The following LAPTM5 variants were observed in gnomAD, a reference collection of about 807,000 sequenced individuals.
LAPTM5 encodes lysosomal protein transmembrane 5.
LAPTM5 carries 11 observed loss-of-function variants against 30.1 expected under a neutral mutation model. That is an observed-to-expected ratio of 0.37 (90% CI 0.23 to 0.60). The LOEUF (loss-of-function observed/expected upper bound fraction) is 0.60. LAPTM5 is among the 20% of genes least tolerant of loss of function. LAPTM5 has a pLI of 0.71. For synonymous variants in LAPTM5, 151 were observed against 137.9 expected (o/e 1.10, Z -0.67); for missense variants, 324 against 332.5 (o/e 0.97, Z 0.20).
At chr1:30,747,333 C>T (rs1445222858) in intron 1 of LAPTM5, among the ~76,000 whole-genome samples, 1 of 152,076 alleles carries the variant, frequency 6.6e-6, no homozygotes, top group East Asian at 1.9e-4. Context: ...AGGATGTTAC[C>T]AGCGGGGAAA....
chr1:30,736,882 A>G (rs1314478603), intron 6 of LAPTM5, among the ~76,000 whole-genome samples: 2 of 152,192 alleles, frequency 1.3e-5, no homozygotes, highest in African/African-American at 2.4e-5. Context: ...GGATCCCACA[A>G]AATTCCCCAC....
chr1:30,733,549 A>C lies in LAPTM5; in HGVS notation c.*279T>G. 2.0e-6 allele frequency: 3 copies of C among 1,483,180 alleles called. No homozygotes were observed. Among genetic ancestry groups the C allele is most frequent in the Non-Finnish European group, 2.7e-6 (3 of 1,113,378 alleles). The allele number at this position is 1,483,180 out of a possible 1,614,324, so 91.9% of individuals were successfully genotyped here. A position where few individuals can be genotyped will look rare whatever the true frequency, so the allele number is the denominator to read the frequency against. ...AAACTCACCAACTTTAGAATGGCCA[A>C]TCGTCTAAACAAGTGTCAGAGCTGA... On this transcript the variant is annotated 3_prime_UTR_variant, in exon 8 of 8. Transcript: ENST00000294507.
rs561938251 is a variant in LAPTM5, at chr1:30,739,692, G to A, written c.387+117C>T. ...AGAGACTGGGTCAAGACACCAGCCA[G>A]GAAGAGGGCTCCTACCCTCCCCAGC... On this transcript the variant is annotated intron_variant, in intron 4 of 7. Transcript: ENST00000294507. The surrounding 1 kb of genome is among the most constrained non-coding windows in gnomAD (Gnocchi z 4.2). 106 of 1,245,968 alleles carry A rather than the reference G, an allele frequency of 8.5e-5. No individual in the cohort carries two copies. The highest frequency in any genetic ancestry group is 3.6e-5 in the Non-Finnish European group (34 of 931,932). 77.2% of individuals were successfully genotyped at this position (1,245,968 alleles called of 1,614,324 possible).
intron 1 of LAPTM5, among the ~76,000 whole-genome samples, chr1:30,747,863 T>C (rs1569867498): frequency 6.6e-6 from 1 of 151,996 alleles, no homozygotes; most frequent in Admixed American, 6.5e-5. Flanking sequence ...TGTTGGGATG[T>C]TGTTGGAGTT....
At chr1:30,733,939 G>T (rs780886092) in intron 7 of LAPTM5, 22 bp from the exon 8 acceptor site, 1 of 1,606,176 alleles carries the variant, frequency 6.2e-7, no homozygotes, top group African/African-American at 1.3e-5. Context: ...AGAGAGATGA[G>T]GGCTGAGTAT....
At position 30,732,575 on chromosome 1, in the gene LAPTM5, C is replaced by A. The variant is rs940479823; in HGVS notation, c.*1253G>T. 6 of 151,818 alleles carry A rather than the reference C, an allele frequency of 4.0e-5. No homozygotes were observed. Among genetic ancestry groups the A allele is most frequent in the East Asian group, 1.9e-4 (1 of 5,144 alleles). 9.4% of individuals were successfully genotyped at this position (151,818 alleles called of 1,614,324 possible). On this transcript the variant is annotated 3_prime_UTR_variant, in exon 8 of 8. Coordinates refer to ENST00000294507, the MANE Select transcript of LAPTM5 (RefSeq NM_006762.3). The stretch of plus-strand genomic sequence containing the variant: ...TGCAGAGCCTTCTCCCTCTGTACCC[C>A]CCGACAGTCCCCAGAGACCCTGCCT...
At chr1:30,743,478 A>C (rs1032410371) in intron 1 of LAPTM5, among the ~76,000 whole-genome samples, 6 of 152,176 alleles carry the variant, frequency 3.9e-5, no homozygotes, top group Non-Finnish European at 7.4e-5. Context: ...CACCTTATCC[A>C]TGCCTCCCAT....
chr1:30,734,869 GT>G (rs1360231180), intron 7 of LAPTM5, among the ~76,000 whole-genome samples: 2 of 152,232 alleles, frequency 1.3e-5, no homozygotes, highest in African/African-American at 4.8e-5. Context: ...TTCACACCAA[GT>G]TGTAATTGTA....
rs1639841717 is a variant in LAPTM5 at position 30,733,455 on chromosome 1, T to C, written c.*373A>G. 2 of 1,222,114 alleles carry C rather than the reference T, an allele frequency of 1.6e-6. No individual in the cohort carries two copies. The highest frequency in any genetic ancestry group is 2.1e-6 in the Non-Finnish European group (2 of 939,712). 75.7% of individuals were successfully genotyped at this position (1,222,114 alleles called of 1,614,324 possible). A position where few individuals can be genotyped will look rare whatever the true frequency, so the allele number is the denominator to read the frequency against. ...CTGTTGTTTGACCAAATTATTTTACTGAACTGACAAGTGGGTTTTTGATTT... is the reference window on the plus strand; with the variant it reads ...CTGTTGTTTGACCAAATTATTTTACCGAACTGACAAGTGGGTTTTTGATTT... On this transcript the variant is annotated 3_prime_UTR_variant, in exon 8 of 8. Transcript: ENST00000294507.
intron 6 of LAPTM5, 41 bp downstream of exon 6, chr1:30,737,563 T>C (rs1338609094): frequency 1.3e-6 from 2 of 1,491,154 alleles, no homozygotes; most frequent in Non-Finnish European, 9.3e-7. Context: ...CAGCACAGCC[T>C]CACCACCCCT....
chr1:30,754,019 G>T (rs929233428), intron 1 of LAPTM5, among the ~76,000 whole-genome samples: 1 of 152,164 alleles, frequency 6.6e-6, no homozygotes, highest in South Asian at 2.1e-4. Context: ...CAGTTTTGAC[G>T]TATCCTGTTT....
intron 1 of LAPTM5, among the ~76,000 whole-genome samples, chr1:30,745,590 G>A (rs1318794100): frequency 2.0e-5 from 3 of 152,206 alleles, no homozygotes. Context: ...CCCATTGCCG[G>A]ATGGCTCACG....
chr1:30,743,810 T>TTTTC, intron 1 of LAPTM5, among the ~76,000 whole-genome samples: 1 of 149,020 alleles, frequency 6.7e-6, no homozygotes, highest in Non-Finnish European at 1.5e-5. Context: ...TTTTTTTTTT[T>TTTTC]TTTTTTTAGC....
chr1:30,746,568 A>C lies in LAPTM5; in HGVS notation c.88-4019T>G, dbSNP rs1458251575. Among the ~76,000 whole-genome samples, 3 of 152,210 alleles carry C rather than the reference A, an allele frequency of 2.0e-5. No individual in the cohort carries two copies. The highest frequency in any genetic ancestry group is 4.4e-5 in the Non-Finnish European group (3 of 68,032). ...ACCTTGGGACCCGAGCCATCCCATGACAGGTACAAGGCTTCTCTCCCCCAA... is the reference window on the plus strand; with the variant it reads ...ACCTTGGGACCCGAGCCATCCCATGCCAGGTACAAGGCTTCTCTCCCCCAA... On this transcript the variant is annotated intron_variant, in intron 1 of 7. Transcript: ENST00000294507. The surrounding 1 kb of genome is among the most constrained non-coding windows in gnomAD (Gnocchi z 4.0).
intron 1 of LAPTM5, among the ~76,000 whole-genome samples, chr1:30,747,966 G>T (rs1441249937): frequency 6.6e-6 from 1 of 152,078 alleles, no homozygotes; most frequent in Non-Finnish European, 1.5e-5. Flanking sequence ...GGATAGGATG[G>T]TGATAAGGAA....
intron 1 of LAPTM5, among the ~76,000 whole-genome samples, chr1:30,745,665 A>G (rs1341507876): frequency 6.6e-6 from 1 of 152,166 alleles, no homozygotes; most frequent in Non-Finnish European, 1.5e-5. Flanking sequence ...AGCCTGACTT[A>G]GACTCTGAGG....
chr1:30,736,892 C>G (rs1569853680), intron 6 of LAPTM5, among the ~76,000 whole-genome samples: 1 of 152,326 alleles, frequency 6.6e-6, no homozygotes, highest in South Asian at 2.1e-4. Context: ...AAATTCCCCA[C>G]AAGAGTTCTT....
chr1:30,739,914 G>A lies in LAPTM5; in HGVS notation c.282C>T (p.Pro94=), dbSNP rs777020746. The change falls in exon 4 of 8, where the codon CCC becomes CCT. Residue 94 remains proline, a synonymous_variant. Coordinates refer to ENST00000294507, the MANE Select transcript of LAPTM5 (RefSeq NM_006762.3). The surrounding 1 kb of genome is among the most constrained non-coding windows in gnomAD (Gnocchi z 4.2). ...AGTCCATGATTTGCAGGGACAGGAAGGGCAGCAGGTACTTCTCCCGGTTCT... is the reference window on the plus strand; with the variant it reads ...AGTCCATGATTTGCAGGGACAGGAAAGGCAGCAGGTACTTCTCCCGGTTCT... ...VVKNREKYLL[P]FLSLQIMDYL... 1.1e-4 allele frequency: 184 copies of A among 1,602,580 alleles called. 2 individuals carry two copies. In the South Asian group the frequency reaches 1.8e-3, roughly 15 times the overall value.
chr1:30,747,312 T>C (rs2124191623), intron 1 of LAPTM5, among the ~76,000 whole-genome samples: 1 of 152,266 alleles, frequency 6.6e-6, no homozygotes, highest in Middle Eastern at 3.4e-3. Context: ...GAGTGTCTCT[T>C]CCCTGAGAGG....
Sources: allele counts gnomAD v4.1 joint callset (sites outside exome capture counted in the v4.1 genomes callset), GRCh38; gene constraint gnomAD v4.1.1; non-coding constraint Gnocchi (gnomAD v3.1); transcripts MANE v1.5; gene names NCBI Gene and HGNC (gene_info 2026-07-23, HGNC 2026-07-21).